S100A10: variants seen among roughly 807,000 people sequenced by gnomAD.
S100A10 encodes the protein S100 calcium binding protein A10.
S100A10 carries 3 observed loss-of-function variants against 7.1 expected under a neutral mutation model. That is an observed-to-expected ratio of 0.42 (90% CI 0.19 to 1.10). The LOEUF (loss-of-function observed/expected upper bound fraction) is 1.10. S100A10 is among the 50% of genes least tolerant of loss of function. S100A10 has a pLI of 0.29. For synonymous variants in S100A10, 41 were observed against 39.3 expected (o/e 1.04, Z -0.16); for missense variants, 101 against 118.1 (o/e 0.86, Z 0.67).
At position 151,986,226 on chromosome 1, in the gene S100A10, G is replaced by A. The variant is rs762805028; in HGVS notation, c.5C>T (p.Pro2Leu). 1.2e-6 allele frequency: 2 copies of A among 1,602,262 alleles called. No homozygotes were observed. Among genetic ancestry groups the A allele is most frequent in the Admixed American group, 3.5e-5 (2 of 57,372 alleles). Residue 2 changes from proline to leucine, a missense_variant, in exon 2 of 3, where the codon CCA becomes CTA. Pro to Leu is a moderately conservative substitution (Grantham distance 98, BLOSUM62 -3). Transcript: ENST00000368811. M[P>L]SQMEHAMETM... ...TTCCATGGCGTGTTCCATTTGAGAT[G>A]GCATTTTGGTGTGGTCCGTTGAAGC...
rs565212121 is a variant in S100A10 at position 151,987,562 on chromosome 1, C to T, written c.-21-1311G>A. Among the ~76,000 whole-genome samples the T allele has an allele frequency of 1.5e-3, 175 of 116,148 alleles. 2 individuals are homozygous for T. The East Asian group carries it at 0.043, about 29-fold the overall frequency. The allele number at this position is 116,148 out of a possible 152,430, so 76.2% of individuals were successfully genotyped here. A position where few individuals can be genotyped will look rare whatever the true frequency, so the allele number is the denominator to read the frequency against. Reference sequence around the variant, plus strand: ...TCTTTTTTTTTTTTTTTTTTTGAGACGGAGTCTTGCTCTGTTGCCCAGGCT... The same window carrying T: ...TCTTTTTTTTTTTTTTTTTTTGAGATGGAGTCTTGCTCTGTTGCCCAGGCT... On this transcript the variant is annotated intron_variant, in intron 1 of 2. Transcript: ENST00000368811.
At chr1:151,984,025 G>A (rs1487544703) in intron 2 of S100A10, 1 of 152,192 alleles carries the variant, frequency 6.6e-6, no homozygotes, top group Non-Finnish European at 1.5e-5. Flanking sequence ...TGGTAAGAAT[G>A]TATGGAACAG....
intron 2 of S100A10, among the ~76,000 whole-genome samples, chr1:151,984,706 C>A (rs1655756158): frequency 6.6e-6 from 1 of 152,186 alleles, no homozygotes; most frequent in African/African-American, 2.4e-5. Context: ...ATGCCTTTGT[C>A]TATAGGACAG....
intron 2 of S100A10, among the ~76,000 whole-genome samples, chr1:151,984,969 T>C (rs1357983427): frequency 6.6e-6 from 1 of 152,220 alleles, no homozygotes; most frequent in Non-Finnish European, 1.5e-5. Context: ...TAACTCATTC[T>C]GGGATAGCAT....
intron 2 of S100A10, among the ~76,000 whole-genome samples, chr1:151,983,868 T>A: frequency 6.6e-6 from 1 of 152,114 alleles, no homozygotes; most frequent in Middle Eastern, 3.4e-3. Flanking sequence ...ATTGAGGAGG[T>A]TGGACTATAA....
intron 1 of S100A10, among the ~76,000 whole-genome samples, chr1:151,988,996 A>G (rs1655851867): frequency 6.6e-6 from 1 of 152,180 alleles, no homozygotes; most frequent in African/African-American, 2.4e-5. Flanking sequence ...GATCCCAGAA[A>G]TTGGAACTGG....
At chr1:151,990,068 A>C (rs1472868403) in intron 1 of S100A10, among the ~76,000 whole-genome samples, 1 of 152,228 alleles carries the variant, frequency 6.6e-6, no homozygotes, top group Non-Finnish European at 1.5e-5. Flanking sequence ...GCATAAATGA[A>C]CCACACAATC....
At chr1:151,990,337 T>C (rs1655880232) in intron 1 of S100A10, among the ~76,000 whole-genome samples, 1 of 152,244 alleles carries the variant, frequency 6.6e-6, no homozygotes, top group Admixed American at 6.5e-5. Context: ...CTTGCTATTT[T>C]CTCGTGTTTC....
intron 1 of S100A10, among the ~76,000 whole-genome samples, chr1:151,987,936 A>C (rs1241411336): frequency 6.6e-6 from 1 of 152,246 alleles, no homozygotes; most frequent in Admixed American, 6.5e-5. Flanking sequence ...AACTACTCAA[A>C]GTCCATTGTC....
intron 2 of S100A10, among the ~76,000 whole-genome samples, chr1:151,985,861 T>C (rs185323388): frequency 3.4e-4 from 52 of 152,202 alleles, no homozygotes; most frequent in Admixed American, 1.8e-3. Flanking sequence ...TCCTTGAAGG[T>C]TGGGGCTGTG....
Position 151,993,591 on chromosome 1 carries a change from G to A in S100A10, c.-22+161C>T, listed in dbSNP as rs112770825. ...GGGGCGCTGCTGGCCTCGTTTGGGTGTGGCCCGGAGCACTGAGCAGCGGAT... is the reference window on the plus strand; with the variant it reads ...GGGGCGCTGCTGGCCTCGTTTGGGTATGGCCCGGAGCACTGAGCAGCGGAT... On this transcript the variant is annotated intron_variant, in intron 1 of 2. Transcript: ENST00000368811. The surrounding 1 kb of genome is among the most constrained non-coding windows in gnomAD (Gnocchi z 5.1). Among the ~76,000 whole-genome samples, 36,704 of 152,086 alleles carry A rather than the reference G, an allele frequency of 0.24. 5,491 individuals are homozygous for A. Among genetic ancestry groups the A allele is most frequent in the South Asian group, 0.54 (2,588 of 4,824 alleles).
At chr1:151,987,707 T>G (rs1204619026) in intron 1 of S100A10, among the ~76,000 whole-genome samples, 1 of 151,944 alleles carries the variant, frequency 6.6e-6, no homozygotes, top group Non-Finnish European at 1.5e-5. Flanking sequence ...GCCCGACTAA[T>G]TTTTTTGTAT....
At chr1:151,991,668 C>CT (rs1444855567) in intron 1 of S100A10, among the ~76,000 whole-genome samples, 1 of 152,208 alleles carries the variant, frequency 6.6e-6, no homozygotes, top group Non-Finnish European at 1.5e-5. Flanking sequence ...TTTCTCAGCA[C>CT]TTTGAGTGCT....
At chr1:151,986,727 C>A (rs1041408518) in intron 1 of S100A10, among the ~76,000 whole-genome samples, 1 of 152,182 alleles carries the variant, frequency 6.6e-6, no homozygotes, top group South Asian at 2.1e-4. Context: ...CTAAGCGTAA[C>A]GTCCTCCAGG....
At chr1:151,987,648 T>C (rs1462957864) in intron 1 of S100A10, among the ~76,000 whole-genome samples, 1 of 150,610 alleles carries the variant, frequency 6.6e-6, no homozygotes, top group Admixed American at 6.7e-5. Flanking sequence ...CACGGCATTC[T>C]CCTGCCTCAG....
At chr1:151,987,699 C>T (rs1479975072) in intron 1 of S100A10, among the ~76,000 whole-genome samples, 1 of 152,024 alleles carries the variant, frequency 6.6e-6, no homozygotes, top group Non-Finnish European at 1.5e-5. Flanking sequence ...GCCACCGCGC[C>T]CGACTAATTT....
At chr1:151,986,474 CT>C (rs1348238190) in intron 1 of S100A10, among the ~76,000 whole-genome samples, 1 of 152,204 alleles carries the variant, frequency 6.6e-6, no homozygotes, top group Admixed American at 6.5e-5. Flanking sequence ...CTTAGCCACT[CT>C]TAACTATTTG....
intron 1 of S100A10, among the ~76,000 whole-genome samples, chr1:151,991,808 G>A (rs1655911161): frequency 6.6e-6 from 1 of 152,190 alleles, no homozygotes; most frequent in South Asian, 2.1e-4. Flanking sequence ...TGAACTGTCA[G>A]TAGAAAGCAG....
At chr1:151,989,830 A>T (rs1456559388) in intron 1 of S100A10, among the ~76,000 whole-genome samples, 1 of 152,176 alleles carries the variant, frequency 6.6e-6, no homozygotes, top group Non-Finnish European at 1.5e-5. Context: ...CTATTCCTGG[A>T]CAGATGTGGG....
Sources: allele counts gnomAD v4.1 joint callset (sites outside exome capture counted in the v4.1 genomes callset), GRCh38; gene constraint gnomAD v4.1.1; non-coding constraint Gnocchi (gnomAD v3.1); transcripts MANE v1.5; gene names NCBI Gene and HGNC (gene_info 2026-07-23, HGNC 2026-07-21).